LOC122539214: variants seen among roughly 807,000 people sequenced by gnomAD.
the LOC122539214 span, among the ~76,000 whole-genome samples, chr19:52,680,789 T>C: frequency 7.7e-4 from 112 of 144,906 alleles, no homozygotes; most frequent in African/African-American, 2.8e-3. Context: ...ATTTTTTGTA[T>C]TTTTAGTAGA....
the LOC122539214 span, among the ~76,000 whole-genome samples, chr19:52,657,451 A>C: frequency 2.0e-5 from 3 of 151,644 alleles, no homozygotes; most frequent in African/African-American, 7.3e-5. Flanking sequence ...CTCTACTAAA[A>C]ATACAAAGAT....
At chr19:52,679,245 G>A in the LOC122539214 span, among the ~76,000 whole-genome samples, 3 of 152,226 alleles carry the variant, frequency 2.0e-5, no homozygotes, top group Non-Finnish European at 2.9e-5. Flanking sequence ...GCTGCTTAGA[G>A]AAGACGATCA....
chr19:52,661,459 T>A, the LOC122539214 span, among the ~76,000 whole-genome samples: 2,449 of 152,266 alleles, frequency 0.016, 47 homozygotes, highest in African/African-American at 0.051. Context: ...GATCACAGAC[T>A]GACCTCAGTT....
chr19:52,652,954 G>A, the LOC122539214 span: 10 of 1,257,220 alleles, frequency 8.0e-6, no homozygotes, highest in Non-Finnish European at 1.2e-5. Context: ...ATGACTGAAG[G>A]TCTTGCCACA....
At chr19:52,681,559 T>C in the LOC122539214 span, among the ~76,000 whole-genome samples, 3 of 152,182 alleles carry the variant, frequency 2.0e-5, no homozygotes, top group African/African-American at 7.2e-5. Flanking sequence ...TAAAATAACA[T>C]ACTGTCCCAT....
chr19:52,661,018 C>T, the LOC122539214 span, among the ~76,000 whole-genome samples: 6 of 152,120 alleles, frequency 3.9e-5, no homozygotes, highest in East Asian at 7.8e-4. Flanking sequence ...CCATACTCCA[C>T]GATGCACAGC....
the LOC122539214 span, among the ~76,000 whole-genome samples, chr19:52,681,852 C>CTATT: frequency 1.3e-5 from 2 of 152,086 alleles, no homozygotes; most frequent in Non-Finnish European, 2.9e-5. Flanking sequence ...ATCCTTCTTA[C>CTATT]TATTTTTCCT....
chr19:52,657,423 A>C, the LOC122539214 span, among the ~76,000 whole-genome samples: 1 of 151,838 alleles, frequency 6.6e-6, no homozygotes. Flanking sequence ...CAGCCTCATC[A>C]ATATGGTGAA....
At chr19:52,660,562 G>T in the LOC122539214 span, among the ~76,000 whole-genome samples, 2 of 152,068 alleles carry the variant, frequency 1.3e-5, no homozygotes, top group Admixed American at 1.3e-4. Flanking sequence ...AGGTTACAGT[G>T]ATCCCAGATT....
chr19:52,659,439 C>G, the LOC122539214 span, among the ~76,000 whole-genome samples: 1 of 152,116 alleles, frequency 6.6e-6, no homozygotes, highest in Non-Finnish European at 1.5e-5. Flanking sequence ...TAAAAATGTT[C>G]AGACAGTTGC....
the LOC122539214 span, among the ~76,000 whole-genome samples, chr19:52,665,377 T>C: frequency 4.6e-5 from 7 of 151,738 alleles, no homozygotes; most frequent in Non-Finnish European, 1.0e-4. Context: ...AGTAAGACCC[T>C]CTACCCCAGA....
chr19:52,676,980 C>CA, the LOC122539214 span, among the ~76,000 whole-genome samples: 1 of 145,240 alleles, frequency 6.9e-6, no homozygotes, highest in African/African-American at 2.6e-5. Context: ...ATCAGGGACA[C>CA]AAACACTGCG....
the LOC122539214 span, among the ~76,000 whole-genome samples, chr19:52,657,105 G>C: frequency 2.0e-5 from 3 of 151,606 alleles, no homozygotes; most frequent in South Asian, 6.3e-4. Flanking sequence ...GACACAGCGA[G>C]ACCCTATCAC....
chr19:52,676,738 A>G, the LOC122539214 span, among the ~76,000 whole-genome samples: 92 of 140,330 alleles, frequency 6.6e-4, no homozygotes, highest in African/African-American at 2.2e-3. Context: ...GTGTCTGTGT[A>G]GAAAGAAGTA....
the LOC122539214 span, among the ~76,000 whole-genome samples, chr19:52,661,296 G>T: frequency 6.6e-6 from 1 of 152,104 alleles, no homozygotes; most frequent in African/African-American, 2.4e-5. Context: ...AAGCCCCACA[G>T]GAAGACCTAC....
the LOC122539214 span, chr19:52,652,353 T>A: frequency 3.3e-6 from 1 of 301,224 alleles, no homozygotes; most frequent in South Asian, 3.0e-5. Context: ...GAGAATCGTA[T>A]GAACCTGGGA....
At chr19:52,681,418 T>A in the LOC122539214 span, among the ~76,000 whole-genome samples, 1 of 152,008 alleles carries the variant, frequency 6.6e-6, no homozygotes, top group Non-Finnish European at 1.5e-5. Context: ...CCAATGAATT[T>A]GATAGAAAAG....
the LOC122539214 span, chr19:52,650,667 G>C: frequency 6.6e-6 from 1 of 152,112 alleles, no homozygotes; most frequent in African/African-American, 2.4e-5. Flanking sequence ...GAGTCAAAGG[G>C]GAAGGATTTA....
chr19:52,669,701 C>T, the LOC122539214 span, among the ~76,000 whole-genome samples: 1 of 152,074 alleles, frequency 6.6e-6, no homozygotes, highest in South Asian at 2.1e-4. Flanking sequence ...AAAAGTGGTT[C>T]GGTAGATGGA....
Sources: gnomAD v4.1 joint callset for allele counts (sites outside exome capture counted in the v4.1 genomes callset) on GRCh38, gnomAD v4.1.1 for gene constraint, MANE v1.5 for transcripts.